GATAD2B: variants seen among roughly 807,000 people sequenced by gnomAD.
GATAD2B encodes transcriptional repressor p66-beta.
GATAD2B carries 8 observed loss-of-function variants against 64.3 expected under a neutral mutation model. That is an observed-to-expected ratio of 0.12 (90% CI 0.07 to 0.22). The LOEUF (loss-of-function observed/expected upper bound fraction) is 0.22. GATAD2B is among the 10% of genes least tolerant of loss of function. The probability of loss-of-function intolerance (pLI) is 1.00; values close to 1 mark genes in which losing one functional copy is unlikely to be tolerated. For missense variants in GATAD2B, 453 were observed against 752.0 expected (o/e 0.60, Z 4.65); for synonymous variants, 281 against 271.3 (o/e 1.04, Z -0.35).
chr1:153,823,422 G>A (rs1173228352), intron 2 of GATAD2B, among the ~76,000 whole-genome samples: 1 of 152,140 alleles, frequency 6.6e-6, no homozygotes, highest in East Asian at 1.9e-4. Context: ...CACAGGTATC[G>A]TAACTTGCCC....
At chr1:153,817,901 T>C (rs1323133588) in intron 5 of GATAD2B, 139 bp downstream of exon 5, 6 of 720,780 alleles carry the variant, frequency 8.3e-6, no homozygotes, top group Non-Finnish European at 1.4e-5. Context: ...AATCATGCCA[T>C]AATGGGCCAA....
chr1:153,873,427 G>A (rs980191921), intron 1 of GATAD2B, among the ~76,000 whole-genome samples: 4 of 152,226 alleles, frequency 2.6e-5, no homozygotes, highest in African/African-American at 9.6e-5. Flanking sequence ...CCTTTAGGAA[G>A]TGCTTGAGCC....
chr1:153,860,975 CACT>C (rs1676261196), intron 1 of GATAD2B, among the ~76,000 whole-genome samples: 1 of 152,174 alleles, frequency 6.6e-6, no homozygotes. Flanking sequence ...ATATAACAGG[CACT>C]CAAAACATTT....
At chr1:153,832,851 A>G (rs1214262397) in intron 1 of GATAD2B, among the ~76,000 whole-genome samples, 1 of 152,112 alleles carries the variant, frequency 6.6e-6, no homozygotes. Flanking sequence ...TTTCATCTAT[A>G]AGCCCATGTG....
At chr1:153,873,356 TC>T (rs1454644270) in intron 1 of GATAD2B, among the ~76,000 whole-genome samples, 1 of 152,184 alleles carries the variant, frequency 6.6e-6, no homozygotes, top group Admixed American at 6.6e-5. Context: ...TTTGAATGTG[TC>T]CCCCAGAAGT....
At chr1:153,877,538 G>A (rs1403411469) in intron 1 of GATAD2B, among the ~76,000 whole-genome samples, 1 of 151,922 alleles carries the variant, frequency 6.6e-6, no homozygotes, top group Admixed American at 6.6e-5. Context: ...TAATCACTAA[G>A]ATTATCCTCA....
chr1:153,907,168 C>T, intron 1 of GATAD2B, among the ~76,000 whole-genome samples: 1 of 152,138 alleles, frequency 6.6e-6, no homozygotes, highest in Non-Finnish European at 1.5e-5. Flanking sequence ...ATACGCAAAA[C>T]AATCGAAAGC....
At chr1:153,829,566 T>C (rs1019704020) in intron 1 of GATAD2B, among the ~76,000 whole-genome samples, 1 of 151,408 alleles carries the variant, frequency 6.6e-6, no homozygotes, top group South Asian at 2.1e-4. Context: ...TGAAACCCCA[T>C]CTCTACTAAA....
intron 1 of GATAD2B, among the ~76,000 whole-genome samples, chr1:153,911,495 G>C (rs1041727313): frequency 3.9e-5 from 6 of 152,168 alleles, no homozygotes. Context: ...AGCACTTTGG[G>C]AGGCCGAGGC....
intron 1 of GATAD2B, chr1:153,886,522 C>CTTTTTTTTTTTTTTTT: frequency 8.8e-6 from 1 of 113,944 alleles, no homozygotes; most frequent in African/African-American, 3.4e-5. Flanking sequence ...AATAGTTTTC[C>CTTTTTTTTTTTTTTTT]TTTTTTTTTT....
intron 1 of GATAD2B, among the ~76,000 whole-genome samples, chr1:153,832,348 G>C (rs1373794003): frequency 6.6e-6 from 1 of 152,222 alleles, no homozygotes. Flanking sequence ...GAAAGTTTTA[G>C]TGCACTGGCA....
At chr1:153,834,833 G>T (rs1034465922) in intron 1 of GATAD2B, among the ~76,000 whole-genome samples, 1 of 152,066 alleles carries the variant, frequency 6.6e-6, no homozygotes, top group Non-Finnish European at 1.5e-5. Context: ...AAGGGAGCCT[G>T]GGCAAGGCAC....
chr1:153,888,394 T>G (rs556076789), intron 1 of GATAD2B, among the ~76,000 whole-genome samples: 3 of 152,330 alleles, frequency 2.0e-5, no homozygotes, highest in Middle Eastern at 3.4e-3. Flanking sequence ...CTAACTAGAA[T>G]AGTCCTAAAT....
chr1:153,860,509 A>T (rs1323162864), intron 1 of GATAD2B, among the ~76,000 whole-genome samples: 1 of 151,234 alleles, frequency 6.6e-6, no homozygotes, highest in African/African-American at 2.4e-5. Context: ...TAACTTTAAA[A>T]TTTTTTGCAG....
At chr1:153,884,586 G>A (rs1268684610) in intron 1 of GATAD2B, among the ~76,000 whole-genome samples, 1 of 152,156 alleles carries the variant, frequency 6.6e-6, no homozygotes, top group Non-Finnish European at 1.5e-5. Flanking sequence ...TGGGGGACAA[G>A]AGTGAGACTT....
Position 153,817,365 on chromosome 1 carries a change from C to G in GATAD2B, c.900+7G>C. ...TGTTTCCACATTAGGGCTCAGCTCT[C>G]TCTTACCGGTTGATAATTGATGGCG... On this transcript the variant is annotated splice_region_variant and intron_variant, in intron 6 of 10. Coordinates refer to ENST00000368655, the MANE Select transcript of GATAD2B (RefSeq NM_020699.4). The G allele has an allele frequency of 6.4e-7, 1 of 1,551,996 alleles. No individual in the cohort carries two copies. Among genetic ancestry groups the G allele is most frequent in the Non-Finnish European group, 8.7e-7 (1 of 1,150,646 alleles).
chr1:153,843,309 G>C (rs973435237), intron 1 of GATAD2B, among the ~76,000 whole-genome samples: 1 of 150,924 alleles, frequency 6.6e-6, no homozygotes, highest in African/African-American at 2.4e-5. Flanking sequence ...TAATATATGG[G>C]GTCTCACTAT....
Position 153,824,958 on chromosome 1 carries a change from C to T in GATAD2B, c.335+3055G>A, listed in dbSNP as rs978737949. Among the ~76,000 whole-genome samples the T allele has an allele frequency of 3.3e-5, 5 of 151,998 alleles. No individual in the cohort carries two copies. The South Asian group carries it at 1.0e-3, about 31-fold the overall frequency. On this transcript the variant is annotated intron_variant, in intron 2 of 10. Transcript: ENST00000368655. ...ACAATTAGCTGGGTACAGGGGCACA[C>T]GCCTATAGTCCCAGCTACTTGGGTG...
At chr1:153,911,983 A>G (rs1292343607) in intron 1 of GATAD2B, among the ~76,000 whole-genome samples, 1 of 152,164 alleles carries the variant, frequency 6.6e-6, no homozygotes, top group African/African-American at 2.4e-5. Flanking sequence ...ATCATATTCT[A>G]TTTTACTCTC....
Sources: gnomAD v4.1 joint callset for allele counts (sites outside exome capture counted in the v4.1 genomes callset) on GRCh38, gnomAD v4.1.1 for gene constraint, MANE v1.5 for transcripts, NCBI Gene and HGNC (gene_info 2026-07-23, HGNC 2026-07-21) for gene names.